The following ENKUR variants were observed in gnomAD, a reference collection of about 807,000 sequenced individuals.
ENKUR encodes the protein enkurin.
In ENKUR, 19 loss-of-function variants were observed where a neutral mutation model predicts 27.6. The observed-to-expected ratio is 0.69, with a 90% CI of 0.48 to 1.01. ENKUR has a LOEUF of 1.01. Among genes scored for constraint, ENKUR ranks in the 50% least tolerant of loss-of-function variants. The pLI is 0.00. For missense variants in ENKUR, 312 were observed against 310.5 expected, an observed-to-expected ratio of 1.00 and a Z score of -0.04; for synonymous variants, 117 against 96.9, an observed-to-expected ratio of 1.21 and a Z score of -1.22.
intron 2 of ENKUR, among the ~76,000 whole-genome samples, chr10:25,050,585 T>A (rs1377655346): frequency 6.6e-6 from 1 of 152,176 alleles, no homozygotes; most frequent in Non-Finnish European, 1.5e-5. Flanking sequence ...CTTCTACGAC[T>A]CGTGGGAACT....
upstream of ENKUR, among the ~76,000 whole-genome samples, chr10:25,020,953 T>A (rs909818346): frequency 4.6e-5 from 7 of 152,182 alleles, no homozygotes; most frequent in Non-Finnish European, 1.0e-4. Flanking sequence ...AGTACCAGAA[T>A]ATGGTTTAAT....
intron 2 of ENKUR, among the ~76,000 whole-genome samples, chr10:25,053,333 G>A (rs1289580997): frequency 1.3e-5 from 2 of 152,122 alleles, no homozygotes; most frequent in African/African-American, 2.4e-5. Context: ...AGCAAATGAA[G>A]TATATAATAC....
chr10:25,045,386 T>C (rs558242132), intron 2 of ENKUR, among the ~76,000 whole-genome samples: 1 of 152,150 alleles, frequency 6.6e-6, no homozygotes, highest in African/African-American at 2.4e-5. Context: ...AAGAGGATAA[T>C]ATGATATTAA....
chr10:24,994,153 A>G (rs1450688684), intron 3 of ENKUR, among the ~76,000 whole-genome samples: 1 of 152,144 alleles, frequency 6.6e-6, no homozygotes, highest in East Asian at 1.9e-4. Flanking sequence ...TTATCATGGT[A>G]GATCACTGGA....
At chr10:25,032,060 C>G (rs1303039193) in intron 2 of ENKUR, among the ~76,000 whole-genome samples, 1 of 152,160 alleles carries the variant, frequency 6.6e-6, no homozygotes, top group African/African-American at 2.4e-5. Flanking sequence ...GTTTTGGTCT[C>G]TGTCTTTCCT....
At chr10:25,027,249 G>A (rs865837092) in intron 2 of ENKUR, among the ~76,000 whole-genome samples, 3 of 150,836 alleles carry the variant, frequency 2.0e-5, no homozygotes, top group Middle Eastern at 3.4e-3. Flanking sequence ...CCAGCTAGTC[G>A]GGAGGCTGAG....
chr10:25,006,482 T>G (rs958769617), intron 1 of ENKUR, among the ~76,000 whole-genome samples: 2 of 152,166 alleles, frequency 1.3e-5, no homozygotes, highest in Non-Finnish European at 2.9e-5. Flanking sequence ...AGGATCTTTC[T>G]TCCTTGATGG....
chr10:24,988,296 GTA>G (rs1308993356), intron 4 of ENKUR, among the ~76,000 whole-genome samples: 2 of 139,258 alleles, frequency 1.4e-5, no homozygotes, highest in African/African-American at 2.7e-5. Flanking sequence ...ATTTATATAT[GTA>G]TATATATTTA....
chr10:25,061,135 C>G (rs1275983213), exon 2 of ENKUR: 3 of 1,535,942 alleles, frequency 2.0e-6, no homozygotes, highest in Non-Finnish European at 2.6e-6. Context: ...TCCAGTCACC[C>G]GCTCTGTCTT....
intron 2 of ENKUR, chr10:25,025,250 T>C (rs910201191): frequency 6.2e-7 from 1 of 1,614,202 alleles, no homozygotes; most frequent in Non-Finnish European, 8.5e-7. Context: ...CCTGCTATCA[T>C]GCAGGCTTTA....
At chr10:24,987,590 T>G (rs1489301708) in intron 4 of ENKUR, among the ~76,000 whole-genome samples, 1 of 152,046 alleles carries the variant, frequency 6.6e-6, no homozygotes, top group African/African-American at 2.4e-5. Flanking sequence ...CTGTCTCAAA[T>G]AAATACATAA....
chr10:25,011,379 C>T (rs186623699), intron 1 of ENKUR, among the ~76,000 whole-genome samples: 1 of 152,132 alleles, frequency 6.6e-6, no homozygotes, highest in Non-Finnish European at 1.5e-5. Flanking sequence ...CAAAAATTTT[C>T]TCCCATTCTG....
At chr10:25,025,500 A>T in intron 2 of ENKUR, 1 of 1,525,206 alleles carries the variant, frequency 6.6e-7, no homozygotes, top group Non-Finnish European at 8.8e-7. Flanking sequence ...AGCATGCAAT[A>T]ATAAATCTCA....
chr10:24,985,056 C>T, intron 4 of ENKUR, 151 bp from the exon 5 acceptor site: 1 of 685,932 alleles, frequency 1.5e-6, no homozygotes, highest in Non-Finnish European at 2.4e-6. Flanking sequence ...AGTACTTGGC[C>T]ACGGTAACCA....
intron 2 of ENKUR, among the ~76,000 whole-genome samples, chr10:25,049,914 A>G (rs1851166515): frequency 6.6e-6 from 1 of 151,986 alleles, no homozygotes; most frequent in African/African-American, 2.4e-5. Flanking sequence ...TGGGTAATTT[A>G]TAAGGAAAAG....
intron 2 of ENKUR, among the ~76,000 whole-genome samples, chr10:25,058,930 TAA>T (rs67424973): frequency 0.36 from 49,531 of 137,332 alleles, 8,946 homozygotes; most frequent in East Asian, 0.48. Context: ...GACTCCATCT[TAA>T]AAAAAAAAAA....
At chr10:25,050,323 A>T (rs1393269069) in intron 2 of ENKUR, among the ~76,000 whole-genome samples, 1 of 152,194 alleles carries the variant, frequency 6.6e-6, no homozygotes, top group Non-Finnish European at 1.5e-5. Context: ...TAATAAAGAC[A>T]TACGTAAGAC....
At chr10:25,052,373 A>G (rs1287538940) in intron 2 of ENKUR, among the ~76,000 whole-genome samples, 1 of 152,184 alleles carries the variant, frequency 6.6e-6, no homozygotes, top group Non-Finnish European at 1.5e-5. Flanking sequence ...ATTCTTGTTT[A>G]AGTATTAAAT....
intron 4 of ENKUR, among the ~76,000 whole-genome samples, chr10:24,990,131 CA>C: frequency 6.6e-6 from 1 of 152,148 alleles, no homozygotes; most frequent in Non-Finnish European, 1.5e-5. Context: ...TTCACAAACT[CA>C]GGGGCATAAA....
Sources: gnomAD v4.1 joint callset for allele counts (sites outside exome capture counted in the v4.1 genomes callset) on GRCh38, gnomAD v4.1.1 for gene constraint, MANE v1.5 for transcripts, NCBI Gene and HGNC (gene_info 2026-07-23, HGNC 2026-07-21) for gene names.